The following PLD3 variants were observed in gnomAD, a reference collection of about 807,000 sequenced individuals.
PLD3 encodes 5'-3' exonuclease PLD3.
In PLD3, 31 loss-of-function variants were observed where a neutral mutation model predicts 58.4. That is an observed-to-expected ratio of 0.53 (90% CI 0.40 to 0.72). PLD3 has a LOEUF of 0.72. PLD3 is among the 30% of genes least tolerant of loss of function. The pLI is 0.00. For synonymous variants in PLD3, 264 were observed against 273.4 expected, an observed-to-expected ratio of 0.97 and a Z score of 0.34; for missense variants, 595 against 659.8, an observed-to-expected ratio of 0.90 and a Z score of 1.08.
intron 1 of PLD3, among the ~76,000 whole-genome samples, chr19:40,355,669 T>C (rs1215969274): frequency 1.4e-5 from 2 of 144,738 alleles, no homozygotes; most frequent in African/African-American, 5.1e-5. Context: ...GCAGGGCTTG[T>C]CAGCAAGTCA....
rs1338479770 is a variant in PLD3 at position 40,366,650 on chromosome 19, T to C, written c.68T>C (p.Met23Thr). 3.1e-6 allele frequency: 5 copies of C among 1,592,830 alleles called. No homozygotes were observed. Among genetic ancestry groups the C allele is most frequent in the Non-Finnish European group, 4.3e-6 (5 of 1,167,580 alleles). Residue 23 changes from methionine (M) to threonine (T), a missense_variant, in exon 4 of 13, where the codon ATG (methionine) becomes ACG (threonine). Coordinates refer to ENST00000409735, the MANE Select transcript of PLD3 (RefSeq NM_012268.4). Reference sequence around the variant, plus strand: ...GAGGAGCCCGCCAATGAGCTGCCCATGAATGAGATTGAGGCGTGGAAGGCT... The same window carrying C: ...GAGGAGCCCGCCAATGAGCTGCCCACGAATGAGATTGAGGCGTGGAAGGCT... ...PAEEPANELP[M>T]NEIEAWKAAE...
chr19:40,371,992 C>A, intron 9 of PLD3, 119 bp downstream of exon 9: 1 of 789,814 alleles, frequency 1.3e-6, no homozygotes, highest in Non-Finnish European at 2.1e-6. Context: ...GTTCTCACCC[C>A]AGCTCATTCT....
chr19:40,364,967 G>T (rs1310087533), intron 1 of PLD3, among the ~76,000 whole-genome samples: 1 of 151,968 alleles, frequency 6.6e-6, no homozygotes, highest in African/African-American at 2.4e-5. Context: ...ACTAAAAAAA[G>T]AAAAGAAAAG....
intron 1 of PLD3, among the ~76,000 whole-genome samples, chr19:40,352,644 AT>A (rs2078547967): frequency 6.6e-6 from 1 of 152,128 alleles, no homozygotes; most frequent in African/African-American, 2.4e-5. Context: ...ATTAAGTCCA[AT>A]TTAAAAAAAT....
At chr19:40,352,310 G>C (rs1318032427) in intron 1 of PLD3, among the ~76,000 whole-genome samples, 1 of 152,006 alleles carries the variant, frequency 6.6e-6, no homozygotes, top group Non-Finnish European at 1.5e-5. Flanking sequence ...TTGAGGGCAG[G>C]CTAGGGAAAT....
rs2078965323 is a variant in PLD3 at position 40,367,762 on chromosome 19, C to T, written c.312C>T (p.Ser104=). The change falls in exon 6 of 13, where the codon TCC becomes TCT. Residue 104 remains serine (S), a synonymous_variant. Transcript: ENST00000409735. ...DFPNASTGNP[S]TSQAWLGLLA... ...CCAATGCCTCCACGGGGAACCCTTC[C>T]ACCAGCCAGGCCTGGCTGGGCCTGC... The T allele has an allele frequency of 6.2e-7, 1 of 1,613,618 alleles. No homozygotes were observed. Among genetic ancestry groups the T allele is most frequent in the Non-Finnish European group, 8.5e-7 (1 of 1,179,892 alleles).
intron 4 of PLD3, 43 bp downstream of exon 4, chr19:40,366,727 T>C: frequency 6.2e-7 from 1 of 1,613,964 alleles, no homozygotes; most frequent in Non-Finnish European, 8.5e-7. Flanking sequence ...AGAGACAGGC[T>C]GGGCTGCCCC....
In PLD3 at chr19:40,378,302, C is replaced by T; in HGVS notation, c.*129C>T. Reference sequence around the variant, plus strand: ...GTGGCTCCTCAGGCTCTCTCCCCTGCTCTCCCACCTCTACCTCCACCCCCA... The same window carrying T: ...GTGGCTCCTCAGGCTCTCTCCCCTGTTCTCCCACCTCTACCTCCACCCCCA... On this transcript the variant is annotated 3_prime_UTR_variant, in exon 13 of 13. Transcript: ENST00000409735. 1 of 847,868 alleles carries T rather than the reference C, an allele frequency of 1.2e-6. No individual in the cohort carries two copies. The highest frequency in any genetic ancestry group is 1.4e-5 in the South Asian group (1 of 73,512). The allele number at this position is 847,868 out of a possible 1,614,324, so 52.5% of individuals were successfully genotyped here. A position where few individuals can be genotyped will look rare whatever the true frequency, so the allele number is the denominator to read the frequency against.
Position 40,355,575 on chromosome 19 carries a change from G to GT in PLD3, c.-279+6808dup, listed in dbSNP as rs768551496. Among the ~76,000 whole-genome samples the GT allele has an allele frequency of 1.4e-3, 198 of 143,244 alleles. 1 individual carries two copies. Among genetic ancestry groups the GT allele is most frequent in the Non-Finnish European group, 2.1e-3 (143 of 66,682 alleles). 94.0% of individuals were successfully genotyped at this position (143,244 alleles called of 152,430 possible). ...GATCCGCCTGCCTCAGCCTCCCACA[G>GT]TGCTTGGATTACAGGTGTGAGCCAC... On this transcript the variant is annotated intron_variant, in intron 1 of 12. Coordinates refer to ENST00000409735, the MANE Select transcript of PLD3 (RefSeq NM_012268.4).
chr19:40,377,306 A>G (rs1423651352), intron 11 of PLD3, among the ~76,000 whole-genome samples: 22 of 118,920 alleles, frequency 1.8e-4, no homozygotes, highest in Non-Finnish European at 3.4e-4. Context: ...GGGCACAGGC[A>G]GAGGGGTCAG....
intron 5 of PLD3, 84 bp from the exon 6 acceptor site, chr19:40,367,612 C>A: frequency 1.7e-6 from 2 of 1,169,624 alleles, no homozygotes; most frequent in Non-Finnish European, 2.4e-6. Context: ...CTATCCAACA[C>A]ACCCATGGAC....
chr19:40,372,906 G>A (rs1484016416), intron 9 of PLD3, among the ~76,000 whole-genome samples: 2 of 152,126 alleles, frequency 1.3e-5, no homozygotes, highest in Non-Finnish European at 1.5e-5. Flanking sequence ...TCATGCAGTA[G>A]CCACATTTCA....
chr19:40,374,656 T>C lies in PLD3; in HGVS notation c.1019+36T>C, dbSNP rs2079150181. On this transcript the variant is annotated intron_variant, in intron 10 of 12. Transcript: ENST00000409735. ...GTGTGGAGATAGGGAGCCGCTGCAG[T>C]TGGCCAGGAGACGGGAGAGGGAATC... The C allele has an allele frequency of 3.7e-6, 6 of 1,612,772 alleles. No homozygotes were observed. The East Asian group carries it at 1.3e-4, about 36-fold the overall frequency.
At chr19:40,372,167 C>T (rs981476441) in intron 9 of PLD3, among the ~76,000 whole-genome samples, 1 of 152,118 alleles carries the variant, frequency 6.6e-6, no homozygotes, top group Non-Finnish European at 1.5e-5. Flanking sequence ...ACAGGTGGCT[C>T]TTTCAGTTTA....
intron 1 of PLD3, among the ~76,000 whole-genome samples, chr19:40,362,410 G>A (rs116335939): frequency 1.2e-3 from 186 of 152,170 alleles, no homozygotes; most frequent in African/African-American, 4.3e-3. Context: ...TCATCCAATC[G>A]AAATCACTTC....
Position 40,378,250 on chromosome 19 carries a change from C to T in PLD3, c.*77C>T, listed in dbSNP as rs902368341. On this transcript the variant is annotated 3_prime_UTR_variant, in exon 13 of 13. Transcript: ENST00000409735. ...TGCTCTGGGTCACGGTCCCTGTCCC[C>T]GCGCCCCCGCTTCTGTCTGCCCCAT... 11 of 1,375,994 alleles carry T rather than the reference C, an allele frequency of 8.0e-6. No homozygotes were observed. The highest frequency in any genetic ancestry group is 4.6e-5 in the East Asian group (2 of 43,794). 85.2% of individuals were successfully genotyped at this position (1,375,994 alleles called of 1,614,324 possible). A position where few individuals can be genotyped will look rare whatever the true frequency, so the allele number is the denominator to read the frequency against.
chr19:40,353,556 T>A (rs2078571788), intron 1 of PLD3, among the ~76,000 whole-genome samples: 1 of 152,054 alleles, frequency 6.6e-6, no homozygotes, highest in South Asian at 2.1e-4. Context: ...ACTTACCATG[T>A]TATTATTTTT....
Position 40,378,000 on chromosome 19 carries a change from T to C in PLD3, c.1300T>C (p.Ser434Pro). 6.2e-7 allele frequency: 1 copy of C among 1,612,786 alleles called. No individual in the cohort carries two copies. The highest frequency in any genetic ancestry group is 8.5e-7 in the Non-Finnish European group (1 of 1,179,182). ...TTCCTCTCTAGGAACCTCCAACTGG[T>C]CTGGCAACTACTTCACGGAGACGGC... The part of the protein sequence containing the change: ...RATYIGTSNW[S>P]GNYFTETAGT... The change falls in exon 13 of 13, where the codon TCT becomes CCT. Residue 434 changes from serine (S) to proline (P), a missense_variant. By Grantham distance (74) the Ser-to-Pro change is moderately conservative. Transcript: ENST00000409735.
At chr19:40,356,762 T>G (rs1259878902) in intron 1 of PLD3, 1 of 152,084 alleles carries the variant, frequency 6.6e-6, no homozygotes, top group East Asian at 1.9e-4. Flanking sequence ...GAGCTTTGGG[T>G]TGAGAAAGAG....
Sources: gnomAD v4.1 joint callset for allele counts (sites outside exome capture counted in the v4.1 genomes callset) on GRCh38, gnomAD v4.1.1 for gene constraint, MANE v1.5 for transcripts, NCBI Gene and HGNC (gene_info 2026-07-23, HGNC 2026-07-21) for gene names.